Variants in OPCML observed in about 807,000 individuals in gnomAD.
The protein encoded by OPCML is opioid binding protein/cell adhesion molecule like.
Under a neutral mutation model 37.8 loss-of-function variants are expected in OPCML, and 13 were observed. That is an observed-to-expected ratio of 0.34 (90% CI 0.22 to 0.55). The LOEUF (loss-of-function observed/expected upper bound fraction) is 0.55. Ranked by LOEUF, OPCML falls within the 20% of genes least tolerant of loss-of-function variation. The pLI is 0.91. For synonymous variants in OPCML, 176 were observed against 168.8 expected (o/e 1.04, Z -0.33); for missense variants, 341 against 435.6 (o/e 0.78, Z 1.93).
intron 3 of OPCML, among the ~76,000 whole-genome samples, chr11:132,627,512 G>C (rs1033422565): frequency 7.2e-5 from 11 of 152,234 alleles, no homozygotes; most frequent in Admixed American, 3.3e-4. Flanking sequence ...TGGAGACAGA[G>C]AAGTAAATTA....
chr11:133,055,459 T>G (rs918619505), intron 1 of OPCML, among the ~76,000 whole-genome samples: 1 of 149,562 alleles, frequency 6.7e-6, no homozygotes, highest in Non-Finnish European at 1.5e-5. Context: ...TGAGACTTCA[T>G]GAGGGAGCCG....
chr11:133,501,702 C>T (rs189327657), intron 1 of OPCML, among the ~76,000 whole-genome samples: 2 of 151,110 alleles, frequency 1.3e-5, no homozygotes, highest in Non-Finnish European at 2.9e-5. Flanking sequence ...AGTGCAGGGG[C>T]TTCAAACGAC....
chr11:132,697,976 C>T (rs920976900), intron 2 of OPCML, among the ~76,000 whole-genome samples: 3 of 134,198 alleles, frequency 2.2e-5, no homozygotes, highest in African/African-American at 2.8e-5. Flanking sequence ...ATTTTATTTT[C>T]TATTTATTTA....
In OPCML at chr11:132,595,494, C is replaced by G. The variant is rs116373951; in HGVS notation, c.379+61593G>C. Reference sequence around the variant, plus strand: ...TTCCCTTTTGCTGAATTGCAAGTTTCCATTAATGAAAACTCTGAAAAGTCT... The same window carrying G: ...TTCCCTTTTGCTGAATTGCAAGTTTGCATTAATGAAAACTCTGAAAAGTCT... On this transcript the variant is annotated intron_variant, in intron 3 of 7. Coordinates refer to ENST00000524381, the MANE Select transcript of OPCML (RefSeq NM_001012393.5). Among the ~76,000 whole-genome samples, 870 of 152,232 alleles carry G rather than the reference C, an allele frequency of 5.7e-3. 2 individuals are homozygous for G. The highest frequency in any genetic ancestry group is 0.012 in the South Asian group (59 of 4,816).
intron 2 of OPCML, among the ~76,000 whole-genome samples, chr11:132,763,648 T>C (rs760099615): frequency 2.0e-5 from 3 of 152,202 alleles, no homozygotes; most frequent in Non-Finnish European, 2.9e-5. Context: ...TACTGATTAA[T>C]ACAGAAGAAG....
At chr11:133,031,052 C>T (rs1374838346) in intron 1 of OPCML, among the ~76,000 whole-genome samples, 1 of 152,234 alleles carries the variant, frequency 6.6e-6, no homozygotes, top group Non-Finnish European at 1.5e-5. Flanking sequence ...GGTATCACAA[C>T]CTAGCTCTGT....
At chr11:133,357,237 C>A (rs12282747) in intron 1 of OPCML, among the ~76,000 whole-genome samples, 17,158 of 152,214 alleles carry the variant, frequency 0.11, 1,108 homozygotes, top group East Asian at 0.19. Context: ...AAGTAAGAGG[C>A]ATGGACATAC....
chr11:132,778,961 CTTTTTTT>C (rs10657036), intron 2 of OPCML, among the ~76,000 whole-genome samples: 12 of 87,926 alleles, frequency 1.4e-4, no homozygotes, highest in Admixed American at 1.3e-3. Flanking sequence ...TGGTATATTT[CTTTTTTT>C]TTTTTTTTTT....
intron 3 of OPCML, among the ~76,000 whole-genome samples, chr11:132,577,856 T>C (rs569981222): frequency 2.6e-5 from 4 of 152,320 alleles, no homozygotes; most frequent in Admixed American, 2.0e-4. Context: ...AGTTTAAGTC[T>C]TAACTATTTG....
At chr11:133,186,427 C>T (rs1230204659) in intron 1 of OPCML, among the ~76,000 whole-genome samples, 1 of 151,864 alleles carries the variant, frequency 6.6e-6, no homozygotes, top group Non-Finnish European at 1.5e-5. Context: ...CCCATAGCTG[C>T]CTCTGCTGGC....
intron 1 of OPCML, among the ~76,000 whole-genome samples, chr11:133,031,739 T>C (rs1483371809): frequency 6.6e-6 from 1 of 152,028 alleles, no homozygotes; most frequent in East Asian, 1.9e-4. Context: ...TCTGGAATTA[T>C]TGGGACTAAT....
intron 1 of OPCML, among the ~76,000 whole-genome samples, chr11:133,379,048 C>T (rs1338813176): frequency 6.6e-6 from 1 of 152,212 alleles, no homozygotes; most frequent in African/African-American, 2.4e-5. Flanking sequence ...TGAGCTACCA[C>T]ATTGGCCACT....
intron 2 of OPCML, among the ~76,000 whole-genome samples, chr11:132,753,856 A>C (rs535591149): frequency 1.6e-4 from 24 of 152,318 alleles, no homozygotes; most frequent in African/African-American, 5.1e-4. Flanking sequence ...TTTAGCTCCC[A>C]GGTGTCTTTG....
chr11:132,499,973 G>A (rs1183372901), intron 4 of OPCML, among the ~76,000 whole-genome samples: 3 of 152,210 alleles, frequency 2.0e-5, no homozygotes, highest in African/African-American at 4.8e-5. Flanking sequence ...GTGGCTTAAA[G>A]TCACATTTCA....
chr11:133,441,113 ATTATC>A (rs1039922448), intron 1 of OPCML, among the ~76,000 whole-genome samples: 6 of 151,936 alleles, frequency 3.9e-5, no homozygotes, highest in African/African-American at 1.4e-4. Context: ...AAAATCAATT[ATTATC>A]TTATATGTTA....
chr11:132,759,602 T>C (rs900189870), intron 2 of OPCML, among the ~76,000 whole-genome samples: 3 of 152,186 alleles, frequency 2.0e-5, no homozygotes, highest in African/African-American at 4.8e-5. Flanking sequence ...GTGTTTATAA[T>C]ATTTTCTGAT....
chr11:133,366,560 A>T (rs188586576), intron 1 of OPCML, among the ~76,000 whole-genome samples: 3 of 152,292 alleles, frequency 2.0e-5, no homozygotes, highest in Admixed American at 1.3e-4. Flanking sequence ...TCTTCCCTTG[A>T]TCTCCAAAAC....
chr11:133,241,229 A>G (rs1940719772), intron 1 of OPCML, among the ~76,000 whole-genome samples: 1 of 152,112 alleles, frequency 6.6e-6, no homozygotes, highest in East Asian at 1.9e-4. Flanking sequence ...CATCGTTAAC[A>G]CTCGGTTGTT....
chr11:132,467,368 T>A (rs554853689), intron 4 of OPCML, among the ~76,000 whole-genome samples: 60 of 152,318 alleles, frequency 3.9e-4, no homozygotes, highest in African/African-American at 1.3e-3. Context: ...CTAATTTGGG[T>A]CAGGTAGTTC....
Sources: gnomAD v4.1 joint callset for allele counts (sites outside exome capture counted in the v4.1 genomes callset) on GRCh38, gnomAD v4.1.1 for gene constraint, MANE v1.5 for transcripts, NCBI Gene and HGNC (gene_info 2026-07-23, HGNC 2026-07-21) for gene names.